The following CALD1 variants were observed in gnomAD, a reference collection of about 807,000 sequenced individuals.
CALD1 encodes caldesmon 1.
A neutral mutation model predicts 99.9 loss-of-function variants in CALD1; 33 were observed. The ratio of observed to expected loss-of-function variants is 0.33; its 90% confidence interval spans 0.25 to 0.44. CALD1 has a LOEUF of 0.44. Among genes scored for constraint, CALD1 ranks in the 20% least tolerant of loss-of-function variants. The pLI is 1.00. For synonymous variants in CALD1, 310 were observed against 325.0 expected, an observed-to-expected ratio of 0.95 and a Z score of 0.50; for missense variants, 861 against 962.1, an observed-to-expected ratio of 0.89 and a Z score of 1.39.
chr7:134,949,247 T>C (rs1262100035), intron 8 of CALD1, among the ~76,000 whole-genome samples: 1 of 152,126 alleles, frequency 6.6e-6, no homozygotes, highest in Non-Finnish European at 1.5e-5. Flanking sequence ...ACCTAGGAGA[T>C]TATTTGGGCT....
At chr7:134,828,453 A>C (rs1799091911) in intron 1 of CALD1, among the ~76,000 whole-genome samples, 1 of 152,204 alleles carries the variant, frequency 6.6e-6, no homozygotes, top group Non-Finnish European at 1.5e-5. Flanking sequence ...ATTTTTTAAA[A>C]GCCCAGCCAA....
At chr7:134,911,394 G>C (rs1488789693) in intron 3 of CALD1, among the ~76,000 whole-genome samples, 1 of 152,062 alleles carries the variant, frequency 6.6e-6, no homozygotes, top group Non-Finnish European at 1.5e-5. Flanking sequence ...TGTGTGCTCT[G>C]TGTGTGTGCA....
At chr7:134,923,963 T>C (rs1804799761) in intron 3 of CALD1, among the ~76,000 whole-genome samples, 1 of 152,202 alleles carries the variant, frequency 6.6e-6, no homozygotes, top group Non-Finnish European at 1.5e-5. Flanking sequence ...TATAAGAAGA[T>C]ATAAAGTTGA....
At chr7:134,965,682 G>A (rs1415907289) in intron 14 of CALD1, among the ~76,000 whole-genome samples, 4 of 152,092 alleles carry the variant, frequency 2.6e-5, no homozygotes, top group African/African-American at 7.2e-5. Flanking sequence ...CATGGTCTAC[G>A]TTTCCTTACA....
intron 8 of CALD1, 48 bp from the exon 9 acceptor site, chr7:134,950,326 G>T: frequency 1.3e-6 from 2 of 1,599,212 alleles, no homozygotes; most frequent in Non-Finnish European, 1.7e-6. Flanking sequence ...CTTCCCTTTG[G>T]CTGTGAAGCT....
chr7:134,952,747 G>A (rs775950092), intron 9 of CALD1, among the ~76,000 whole-genome samples: 27 of 152,046 alleles, frequency 1.8e-4, no homozygotes, highest in Non-Finnish European at 3.1e-4. Context: ...GGGATTACAC[G>A]CATGAGCCAC....
chr7:134,920,395 A>G (rs1804525394), intron 3 of CALD1: 2 of 525,414 alleles, frequency 3.8e-6, no homozygotes, highest in Admixed American at 1.3e-4. Context: ...TTGGATCCCA[A>G]ATTAAGACCC....
chr7:134,891,397 G>A, intron 3 of CALD1: 1 of 1,270,672 alleles, frequency 7.9e-7, no homozygotes, highest in Non-Finnish European at 9.9e-7. Flanking sequence ...CCTGTGAGGA[G>A]GGAACGGGTT....
In CALD1 at chr7:134,969,958, T is replaced by G. The variant is rs1403483201; in HGVS notation, c.*1613T>G. The stretch of plus-strand genomic sequence containing the variant: ...ACTGAGGGAGCCTCCCAAATAACTA[T>G]TTTCTTATCTGCAGTATTCCTCCAG... On this transcript the variant is annotated 3_prime_UTR_variant, in exon 15 of 15. Coordinates refer to ENST00000361675, the MANE Select transcript of CALD1 (RefSeq NM_033138.4). The G allele has an allele frequency of 6.6e-6, 1 of 152,650 alleles. No individual in the cohort carries two copies. Among genetic ancestry groups the G allele is most frequent in the African/African-American group, 2.4e-5 (1 of 41,456 alleles). The allele number at this position is 152,650 out of a possible 1,614,324, so 9.5% of individuals were successfully genotyped here.
At chr7:134,815,216 C>A (rs1433533520) in intron 1 of CALD1, among the ~76,000 whole-genome samples, 4 of 151,968 alleles carry the variant, frequency 2.6e-5, no homozygotes, top group Non-Finnish European at 4.4e-5. Context: ...TAGAACCCAA[C>A]ACACACTAAT....
At position 134,970,724 on chromosome 7, in the gene CALD1, C is replaced by T. The variant is rs1808989991; in HGVS notation, c.*2379C>T. The T allele has an allele frequency of 6.6e-6, 1 of 152,134 alleles. No homozygotes were observed. Among genetic ancestry groups the T allele is most frequent in the Non-Finnish European group, 1.5e-5 (1 of 68,020 alleles). 9.4% of individuals were successfully genotyped at this position (152,134 alleles called of 1,614,324 possible). ...TAATAAAGATTATGGCACAGTAAAA[C>T]CTGTATTTCAGGTTGAGTCTTGGTT... On this transcript the variant is annotated 3_prime_UTR_variant, in exon 15 of 15. Transcript: ENST00000361675.
At chr7:134,837,067 C>T (rs1217402678) in intron 1 of CALD1, among the ~76,000 whole-genome samples, 1 of 151,044 alleles carries the variant, frequency 6.6e-6, no homozygotes, top group African/African-American at 2.4e-5. Context: ...ATATGGGCTT[C>T]TCTGAGAACA....
At chr7:134,929,659 T>TATATATAC (rs1319116162) in intron 4 of CALD1, among the ~76,000 whole-genome samples, 29 of 108,024 alleles carry the variant, frequency 2.7e-4, no homozygotes, top group African/African-American at 1.0e-3. Flanking sequence ...TATATATATA[T>TATATATAC]ATATATATAT....
rs541632778 is a variant in CALD1 at position 134,802,031 on chromosome 7, C to A, written c.-130+22282C>A. On this transcript the variant is annotated intron_variant, in intron 1 of 14. Coordinates refer to ENST00000361675, the MANE Select transcript of CALD1 (RefSeq NM_033138.4). The stretch of plus-strand genomic sequence containing the variant: ...GTTTTCTCTCTGGTCACTTTTGTAA[C>A]TGAAGTAAAAAAGCAAAATTTCCAC... Among the ~76,000 whole-genome samples, 3 of 152,078 alleles carry A rather than the reference C, an allele frequency of 2.0e-5. No homozygotes were observed. In the South Asian group the frequency reaches 6.2e-4, roughly 32 times the overall value.
rs549903082 is a variant in CALD1, at chr7:134,761,155, A to T, written c.-130+16792A>T. Reference sequence around the variant, plus strand: ...GTGAGAAAAACAGAATTCTGAAAACAAATTTTACCTTCTCCACAGTTTCAT... The same window carrying T: ...GTGAGAAAAACAGAATTCTGAAAACTAATTTTACCTTCTCCACAGTTTCAT... On this transcript the variant is annotated intron_variant, in intron 1 of 13. Coordinates refer to the CALD1 transcript ENST00000417172. Among the ~76,000 whole-genome samples, 21 of 152,292 alleles carry T rather than the reference A, an allele frequency of 1.4e-4. 1 individual carries two copies. Among genetic ancestry groups the T allele is most frequent in the Non-Finnish European group, 5.9e-5 (4 of 68,018 alleles).
intron 3 of CALD1, among the ~76,000 whole-genome samples, chr7:134,901,602 T>C (rs1481097096): frequency 6.6e-6 from 1 of 152,084 alleles, no homozygotes; most frequent in Non-Finnish European, 1.5e-5. Context: ...CCGGGTGTCT[T>C]AGAACAACAG....
At chr7:134,814,853 G>A (rs956747197) in intron 1 of CALD1, among the ~76,000 whole-genome samples, 1 of 152,130 alleles carries the variant, frequency 6.6e-6, no homozygotes, top group Admixed American at 6.5e-5. Context: ...TATTGGTCTT[G>A]ACTGAGTGTC....
intron 3 of CALD1, among the ~76,000 whole-genome samples, chr7:134,886,651 A>G (rs952238621): frequency 2.0e-5 from 3 of 152,246 alleles, no homozygotes; most frequent in Admixed American, 2.0e-4. Context: ...AGACGAGACT[A>G]AAGGATGACT....
intron 1 of CALD1, among the ~76,000 whole-genome samples, chr7:134,835,636 T>C (rs914860327): frequency 5.9e-5 from 9 of 152,184 alleles, no homozygotes; most frequent in Admixed American, 1.3e-4. Context: ...AATTGCACAA[T>C]AGATAATCCG....
Sources: gnomAD v4.1 joint callset for allele counts (sites outside exome capture counted in the v4.1 genomes callset) on GRCh38, gnomAD v4.1.1 for gene constraint, MANE v1.5 for transcripts, NCBI Gene and HGNC (gene_info 2026-07-23, HGNC 2026-07-21) for gene names.